The following FGF12 variants were observed in gnomAD, a reference collection of about 807,000 sequenced individuals.
FGF12 encodes fibroblast growth factor 12B.
Under a neutral mutation model 23.6 loss-of-function variants are expected in FGF12, and 14 were observed. That is an observed-to-expected ratio of 0.59 (90% CI 0.39 to 0.93). FGF12 has a LOEUF of 0.93. Among genes scored for constraint, FGF12 ranks in the 40% least tolerant of loss-of-function variants. The probability of loss-of-function intolerance (pLI) is 0.00; values close to 1 mark genes in which losing one functional copy is unlikely to be tolerated. For synonymous variants in FGF12, 62 were observed against 77.3 expected (o/e 0.80, Z 1.04); for missense variants, 175 against 217.8 (o/e 0.80, Z 1.24).
At chr3:192,505,826 G>T (rs962018053) in intron 2 of FGF12, among the ~76,000 whole-genome samples, 21 of 152,216 alleles carry the variant, frequency 1.4e-4, no homozygotes, top group Non-Finnish European at 2.2e-4. Flanking sequence ...AGCCTGCTAA[G>T]TGGCCATTCC....
intron 2 of FGF12, among the ~76,000 whole-genome samples, chr3:192,650,491 C>A (rs1716176258): frequency 6.6e-6 from 1 of 152,190 alleles, no homozygotes; most frequent in Non-Finnish European, 1.5e-5. Context: ...GCCACCCAAA[C>A]AACAACCCAC....
chr3:192,218,205 A>T (rs1718294050), intron 4 of FGF12, among the ~76,000 whole-genome samples: 1 of 152,174 alleles, frequency 6.6e-6, no homozygotes. Flanking sequence ...TATAAAGATA[A>T]ATGGAGAACT....
intron 4 of FGF12, among the ~76,000 whole-genome samples, chr3:192,181,880 G>A: frequency 6.6e-6 from 1 of 151,416 alleles, no homozygotes; most frequent in South Asian, 2.1e-4. Flanking sequence ...ACAGTGCTGG[G>A]ATTACAGACA....
chr3:192,695,518 C>T (rs561788644), intron 2 of FGF12, among the ~76,000 whole-genome samples: 1 of 152,264 alleles, frequency 6.6e-6, no homozygotes, highest in South Asian at 2.1e-4. Context: ...ACTCTGATGA[C>T]CTTCATGTAT....
intron 2 of FGF12, among the ~76,000 whole-genome samples, chr3:192,623,989 CAGA>C (rs1271609888): frequency 2.6e-5 from 4 of 152,158 alleles, no homozygotes; most frequent in African/African-American, 7.2e-5. Context: ...CAGGATGTGA[CAGA>C]AGGTTAATTA....
intron 2 of FGF12, among the ~76,000 whole-genome samples, chr3:192,582,239 A>C (rs1013963093): frequency 2.6e-5 from 4 of 152,196 alleles, no homozygotes; most frequent in African/African-American, 9.6e-5. Flanking sequence ...TTAGGATTGT[A>C]GCTAATCTGC....
intron 2 of FGF12, among the ~76,000 whole-genome samples, chr3:192,525,126 C>G (rs1724910872): frequency 6.6e-6 from 1 of 152,062 alleles, no homozygotes; most frequent in African/African-American, 2.4e-5. Flanking sequence ...GCTTCAATCT[C>G]TTCTCCATTT....
At chr3:192,233,809 C>G (rs572003538) in intron 4 of FGF12, among the ~76,000 whole-genome samples, 14 of 152,226 alleles carry the variant, frequency 9.2e-5, no homozygotes, top group Admixed American at 9.2e-4. Flanking sequence ...GAGTCCTTTT[C>G]CCATTGATTG....
chr3:192,497,047 C>T (rs1041934815), intron 2 of FGF12, among the ~76,000 whole-genome samples: 1 of 152,192 alleles, frequency 6.6e-6, no homozygotes, highest in African/African-American at 2.4e-5. Flanking sequence ...CAGCCCGAGT[C>T]TCTCCTAAAT....
chr3:192,587,755 A>T (rs1345136248), intron 2 of FGF12, among the ~76,000 whole-genome samples: 1 of 151,848 alleles, frequency 6.6e-6, no homozygotes, highest in Admixed American at 6.6e-5. Flanking sequence ...CAGGACTTCA[A>T]GGTTACAGGG....
chr3:192,564,946 T>C (rs1712208915), intron 2 of FGF12, among the ~76,000 whole-genome samples: 1 of 152,234 alleles, frequency 6.6e-6, no homozygotes. Flanking sequence ...TTGTTTCCTC[T>C]ACATAAAATA....
intron 2 of FGF12, among the ~76,000 whole-genome samples, chr3:192,451,585 T>C (rs1051119995): frequency 6.6e-6 from 1 of 152,208 alleles, no homozygotes. Flanking sequence ...AGATAAGTCA[T>C]GTTGAGGGTT....
At position 192,170,209 on chromosome 3, in the gene FGF12, G is replaced by C. The variant is rs66487531; in HGVS notation, c.427+249C>G. Among the ~76,000 whole-genome samples, 40,499 of 142,816 alleles carry C rather than the reference G, an allele frequency of 0.28. 6,063 individuals are homozygous for C. The highest frequency in any genetic ancestry group is 0.36 in the South Asian group (1,531 of 4,264). The allele number at this position is 142,816 out of a possible 152,430, so 93.7% of individuals were successfully genotyped here. Reference sequence around the variant, plus strand: ...GAGGCAGGAGAATTGCTCGAATCCGGGAGGAGGTTGCAGTGAGCCGAGACT... The same window carrying C: ...GAGGCAGGAGAATTGCTCGAATCCGCGAGGAGGTTGCAGTGAGCCGAGACT... On this transcript the variant is annotated intron_variant, in intron 5 of 5. Transcript: ENST00000445105.
intron 2 of FGF12, among the ~76,000 whole-genome samples, chr3:192,397,170 G>GT (rs1200356321): frequency 2.3e-4 from 35 of 152,312 alleles, no homozygotes; most frequent in African/African-American, 8.4e-4. Flanking sequence ...GGAGAGGGAG[G>GT]AGTAGATAGA....
At chr3:192,502,170 A>C (rs956169291) in intron 2 of FGF12, among the ~76,000 whole-genome samples, 2 of 152,112 alleles carry the variant, frequency 1.3e-5, no homozygotes, top group African/African-American at 4.8e-5. Context: ...ATACAAATCT[A>C]AGTCCATTTC....
rs538964873 is a variant in FGF12, at chr3:192,673,677, T to C, written c.13+53504A>G. Among the ~76,000 whole-genome samples the C allele has an allele frequency of 5.9e-5, 9 of 151,362 alleles. No homozygotes were observed. The East Asian group carries it at 1.5e-3, about 26-fold the overall frequency. On this transcript the variant is annotated intron_variant, in intron 2 of 5. Coordinates refer to ENST00000445105, the MANE Select transcript of FGF12 (RefSeq NM_004113.6). ...TCCTGTGATAGTCTGCTGATCATTA[T>C]GGCTTCCAACTTCATCCATGCCCCT...
intron 2 of FGF12, among the ~76,000 whole-genome samples, chr3:192,411,215 T>C (rs1234854647): frequency 6.6e-6 from 1 of 152,102 alleles, no homozygotes; most frequent in Non-Finnish European, 1.5e-5. Flanking sequence ...AGGATTGAGA[T>C]CTGTGACGTT....
At chr3:192,265,326 A>T (rs548884472) in intron 4 of FGF12, 7 of 152,178 alleles carry the variant, frequency 4.6e-5, no homozygotes, top group Non-Finnish European at 8.8e-5. Context: ...CTCAAACTGC[A>T]GAGACCACAA....
intron 2 of FGF12, among the ~76,000 whole-genome samples, chr3:192,499,144 C>CT (rs1724045006): frequency 6.6e-6 from 1 of 152,014 alleles, no homozygotes; most frequent in Non-Finnish European, 1.5e-5. Flanking sequence ...CTGTGTCATG[C>CT]TTTTTATATT....
Sources: allele counts gnomAD v4.1 joint callset (sites outside exome capture counted in the v4.1 genomes callset), GRCh38; gene constraint gnomAD v4.1.1; transcripts MANE v1.5; gene names NCBI Gene and HGNC (gene_info 2026-07-23, HGNC 2026-07-21).